ZAN: variants seen among roughly 807,000 people sequenced by gnomAD.
ZAN encodes zonadhesin.
Under a neutral mutation model 286.2 loss-of-function variants are expected in ZAN, and 260 were observed. The observed-to-expected ratio is 0.91, with a 90% confidence interval of 0.82 to 1.01. The LOEUF is 1.01. Among genes scored for constraint, ZAN ranks in the 50% least tolerant of loss-of-function variants. ZAN has a pLI of 0.00. For synonymous variants in ZAN, 1,368 were observed against 1,417.5 expected (o/e 0.97, Z 0.79); for missense variants, 3,410 against 3,639.2 (o/e 0.94, Z 1.62).
In ZAN at chr7:100,797,603, T is replaced by G. The variant is rs1812449932; in HGVS notation, c.8393T>G (p.Leu2798Arg). Residue 2798 changes from leucine to arginine, a missense_variant, in exon 47 of 48, where the codon CTG becomes CGG. Around this residue, in one of 7 missense-constraint regions of ZAN, gnomAD observed 1,289 missense variants for 1,314.3 expected, o/e 0.98. Transcript: ENST00000613979. ...KREKTQEGDR[L>R]ARLVDTDTVL... is the part of the protein sequence containing the mutation. ...GAGAAAACGCAGGAGGGAGACAGAC[T>G]GGCCAGGCTGGTGGACACAGGTGAG... is the stretch of plus-strand genomic sequence containing the variant. 1 of 1,613,774 alleles carries G rather than the reference T, an allele frequency of 6.2e-7. No homozygotes were observed. The highest frequency in any genetic ancestry group is 1.3e-5 in the African/African-American group (1 of 74,892).
intron 30 of ZAN, 82 bp from the exon 31 acceptor site, chr7:100,773,639 C>T: frequency 6.4e-7 from 1 of 1,552,310 alleles, no homozygotes; most frequent in Non-Finnish European, 8.7e-7. Flanking sequence ...AGGGCAGATG[C>T]TGCACCCAGC....
At position 100,750,863 on chromosome 7, in the gene ZAN, C is replaced by T; in HGVS notation, c.1488C>T (p.Val496=). 1 of 1,570,788 alleles carries T rather than the reference C, an allele frequency of 6.4e-7. No homozygotes were observed. Among genetic ancestry groups the T allele is most frequent in the Non-Finnish European group, 8.6e-7 (1 of 1,156,188 alleles). Residue 496 remains valine (V), a synonymous_variant, in exon 12 of 48, where the codon GTC becomes GTT. Coordinates refer to ENST00000613979, the MANE Select transcript of ZAN (RefSeq NM_003386.3). The stretch of plus-strand genomic sequence containing the variant: ...GCCCTTACTGGCAGAACACCTCCGT[C>T]ACCGTCCCCTCAGGACACCAACAGC... The part of the protein sequence containing the change: ...SQRPYWQNTS[V]TVPSGHQQPM...
chr7:100,756,697 T>C (rs1394591963), intron 15 of ZAN, among the ~76,000 whole-genome samples: 4 of 150,464 alleles, frequency 2.7e-5, no homozygotes, highest in Admixed American at 1.3e-4. Context: ...TATTCACTTT[T>C]GTTTTTTTTT....
intron 23 of ZAN, among the ~76,000 whole-genome samples, chr7:100,766,295 A>T (rs1280704998): frequency 6.6e-6 from 1 of 152,140 alleles, no homozygotes; most frequent in Admixed American, 6.6e-5. Context: ...CCTCGGATAG[A>T]TCAATTTTGG....
intron 47 of ZAN, 33 bp from the exon 48 acceptor site, chr7:100,797,669 GTCTCC>G (rs1350984938): frequency 1.9e-6 from 3 of 1,613,984 alleles, no homozygotes; most frequent in Non-Finnish European, 2.5e-6. Context: ...CTAGAGTTGA[GTCTCC>G]TCTCATACAT....
chr7:100,739,383 T>TA (rs1807583615), intron 7 of ZAN, among the ~76,000 whole-genome samples: 5 of 137,996 alleles, frequency 3.6e-5, no homozygotes, highest in Admixed American at 7.2e-5. Context: ...GCACTTAAAA[T>TA]ACACCAGTGC....
intron 27 of ZAN, among the ~76,000 whole-genome samples, 179 bp from the exon 28 acceptor site, chr7:100,769,701 C>T (rs946673764): frequency 5.3e-5 from 8 of 152,046 alleles, no homozygotes; most frequent in East Asian, 1.9e-4. Context: ...CATGCCACCA[C>T]GCCCGGCTAA....
chr7:100,779,411 C>T lies in ZAN; in HGVS notation c.6318-35C>T, dbSNP rs375270919. On this transcript the variant is annotated intron_variant, in intron 34 of 47. Coordinates refer to ENST00000613979, the MANE Select transcript of ZAN (RefSeq NM_003386.3). ...AAAATTTTGTGTCATAGTAGGGGGACGGCTGTCCCTAGGCTGATTCTTTTC... is the reference window on the plus strand; with the variant it reads ...AAAATTTTGTGTCATAGTAGGGGGATGGCTGTCCCTAGGCTGATTCTTTTC... 82 of 1,565,056 alleles carry T rather than the reference C, an allele frequency of 5.2e-5. 1 individual carries two copies. The highest frequency in any genetic ancestry group is 9.1e-5 in the East Asian group (4 of 43,992).
chr7:100,772,369 G>A (rs759451585), intron 29 of ZAN, among the ~76,000 whole-genome samples: 58 of 151,306 alleles, frequency 3.8e-4, no homozygotes, highest in Non-Finnish European at 4.1e-4. Flanking sequence ...GGCAGAGGTT[G>A]CAGTGAGCCG....
intron 13 of ZAN, 23 bp from the exon 14 acceptor site, chr7:100,751,689 G>A (rs1174543430): frequency 1.3e-6 from 2 of 1,561,590 alleles, no homozygotes; most frequent in South Asian, 2.4e-5. Flanking sequence ...CTAAACTCCA[G>A]GGATTCTTAT....
chr7:100,785,432 T>C (rs1811497720), intron 36 of ZAN, among the ~76,000 whole-genome samples: 2 of 152,036 alleles, frequency 1.3e-5, no homozygotes, highest in African/African-American at 2.4e-5. Flanking sequence ...GGTTTCACCA[T>C]GTTGGCCAGG....
chr7:100,760,895 C>A (rs925249541), intron 19 of ZAN, among the ~76,000 whole-genome samples: 7 of 151,900 alleles, frequency 4.6e-5, no homozygotes, highest in South Asian at 2.1e-4. Context: ...AAGCAAGATT[C>A]TTCTTCTTCT....
chr7:100,772,094 A>C, intron 29 of ZAN, 74 bp downstream of exon 29: 1 of 1,349,782 alleles, frequency 7.4e-7, no homozygotes, highest in South Asian at 1.6e-5. Flanking sequence ...CTTCCTCTAA[A>C]TTCTTTTTTT....
At chr7:100,755,469 T>A in intron 15 of ZAN, 59 bp downstream of exon 15, 1 of 1,571,572 alleles carries the variant, frequency 6.4e-7, no homozygotes, top group East Asian at 2.2e-5. Flanking sequence ...ACACCTGGGT[T>A]CCAGCTCCAT....
At chr7:100,756,693 C>G (rs1411215819) in intron 15 of ZAN, among the ~76,000 whole-genome samples, 1 of 150,250 alleles carries the variant, frequency 6.7e-6, no homozygotes, top group African/African-American at 2.5e-5. Context: ...CATGTATTCA[C>G]TTTTGTTTTT....
intron 35 of ZAN, among the ~76,000 whole-genome samples, chr7:100,782,599 G>A (rs1426785493): frequency 1.3e-5 from 2 of 152,100 alleles, no homozygotes; most frequent in East Asian, 1.9e-4. Flanking sequence ...CCCAAGTGCT[G>A]GGGTTACAGG....
In ZAN at chr7:100,762,288, G is replaced by A; in HGVS notation, c.3916G>A (p.Asp1306Asn). The change falls in exon 20 of 48, where the codon GAC becomes AAC. Residue 1306 changes from aspartate (D) to asparagine (N), a missense_variant. Coordinates refer to ENST00000613979, the MANE Select transcript of ZAN (RefSeq NM_003386.3). ...GNSDNDHLKL[D>N]GSPAGDKEEL... is the part of the protein sequence containing the mutation. The stretch of plus-strand genomic sequence containing the variant: ...CAGTGACAATGACCACCTGAAGTTG[G>A]ACGGCAGCCCAGCAGGAGACAAGGA... 6.2e-7 allele frequency: 1 copy of A among 1,613,780 alleles called. No individual in the cohort carries two copies. Among genetic ancestry groups the A allele is most frequent in the East Asian group, 2.2e-5 (1 of 44,866 alleles).
At chr7:100,756,252 T>C (rs1809139934) in intron 15 of ZAN, among the ~76,000 whole-genome samples, 1 of 152,136 alleles carries the variant, frequency 6.6e-6, no homozygotes, top group South Asian at 2.1e-4. Context: ...GATAAATATA[T>C]GCAACCTATT....
chr7:100,765,324 T>C (rs1382320659), intron 22 of ZAN, 28 bp from the exon 23 acceptor site: 2 of 1,610,796 alleles, frequency 1.2e-6, no homozygotes, highest in African/African-American at 2.7e-5. Flanking sequence ...GTTCGTCTCC[T>C]TCTCACCCAA....
Sources: allele counts gnomAD v4.1 joint callset (sites outside exome capture counted in the v4.1 genomes callset), GRCh38; gene constraint gnomAD v4.1.1; regional missense constraint gnomAD v4.1.1; transcripts MANE v1.5; gene names NCBI Gene and HGNC (gene_info 2026-07-23, HGNC 2026-07-21).